The following PTPN14 variants were observed in gnomAD, a reference collection of about 807,000 sequenced individuals.
PTPN14 encodes tyrosine-protein phosphatase non-receptor type 14.
A neutral mutation model predicts 126.8 loss-of-function variants in PTPN14; 53 were observed. The observed-to-expected ratio is 0.42, with a 90% confidence interval of 0.34 to 0.53. The LOEUF (loss-of-function observed/expected upper bound fraction) is 0.53, where lower values mean the gene tolerates loss of function less well. Ranked by LOEUF, PTPN14 falls within the 20% of genes least tolerant of loss-of-function variation. The probability of loss-of-function intolerance (pLI) is 0.08; values close to 1 mark genes in which losing one functional copy is unlikely to be tolerated. For synonymous variants in PTPN14, 630 were observed against 599.3 expected, an observed-to-expected ratio of 1.05 and a Z score of -0.75; for missense variants, 1,257 against 1,552.9, an observed-to-expected ratio of 0.81 and a Z score of 3.20.
chr1:214,351,319 A>C lies in PTPN14; in HGVS notation c.*6603T>G, dbSNP rs1176055378. ...AAAAAAAAAAAAAAGAAAAAGAAAA[A>C]AAAAAAGGCAGCAGACCCTAAGTGA... On this transcript the variant is annotated 3_prime_UTR_variant, in exon 19 of 19. Transcript: ENST00000366956. 6.6e-6 allele frequency: 1 copy of C among 151,940 alleles called. No homozygotes were observed. The highest frequency in any genetic ancestry group is 1.5e-5 in the Non-Finnish European group (1 of 68,054). The allele number at this position is 151,940 out of a possible 1,614,324, so 9.4% of individuals were successfully genotyped here. A position where few individuals can be genotyped will look rare whatever the true frequency, so the allele number is the denominator to read the frequency against.
intron 1 of PTPN14, among the ~76,000 whole-genome samples, chr1:214,493,956 C>T (rs990015892): frequency 6.6e-6 from 1 of 152,182 alleles, no homozygotes; most frequent in Non-Finnish European, 1.5e-5. Flanking sequence ...AAAGGTGTAG[C>T]ACTCAATTTA....
At chr1:214,479,899 C>A (rs1214516144) in intron 1 of PTPN14, among the ~76,000 whole-genome samples, 1 of 150,532 alleles carries the variant, frequency 6.6e-6, no homozygotes, top group East Asian at 1.9e-4. Context: ...TTTATTTCAT[C>A]ATTTTAATTA....
intron 1 of PTPN14, among the ~76,000 whole-genome samples, chr1:214,484,900 G>A (rs1453058436): frequency 3.9e-5 from 6 of 152,168 alleles, no homozygotes; most frequent in East Asian, 1.9e-4. Context: ...TACAAGAGGC[G>A]TTTGTTTCAC....
intron 1 of PTPN14, among the ~76,000 whole-genome samples, chr1:214,508,027 C>T (rs1034158441): frequency 2.0e-5 from 3 of 152,096 alleles, no homozygotes; most frequent in Admixed American, 6.5e-5. Context: ...CTAAAAAAGG[C>T]TAAGGATCAT....
chr1:214,386,548 C>T (rs1658615047), intron 12 of PTPN14, among the ~76,000 whole-genome samples: 1 of 152,196 alleles, frequency 6.6e-6, no homozygotes, highest in Non-Finnish European at 1.5e-5. Flanking sequence ...AGTGCATTCG[C>T]TTGGGCTGAG....
intron 3 of PTPN14, among the ~76,000 whole-genome samples, chr1:214,449,892 G>T (rs11120325): frequency 0.27 from 40,729 of 151,320 alleles, 6,189 homozygotes; most frequent in Non-Finnish European, 0.34. Context: ...AGCACTTTGG[G>T]AGGCCAAGGT....
chr1:214,373,438 A>ATT (rs1383378252), intron 15 of PTPN14, among the ~76,000 whole-genome samples: 2 of 152,172 alleles, frequency 1.3e-5, no homozygotes, highest in Admixed American at 1.3e-4. Context: ...GTATAGATGC[A>ATT]TATATATGAA....
intron 3 of PTPN14, among the ~76,000 whole-genome samples, chr1:214,448,487 G>A (rs1257728864): frequency 6.7e-6 from 1 of 149,662 alleles, no homozygotes; most frequent in South Asian, 2.1e-4. Flanking sequence ...CTCGTGATCC[G>A]CCCGCCTCGG....
At chr1:214,390,935 A>T in intron 11 of PTPN14, 53 bp downstream of exon 11, 1 of 1,368,062 alleles carries the variant, frequency 7.3e-7, no homozygotes, top group Non-Finnish European at 9.9e-7. Flanking sequence ...CAAATTAATA[A>T]CAAAGAATGC....
At chr1:214,434,262 G>A (rs1659862302) in intron 3 of PTPN14, among the ~76,000 whole-genome samples, 1 of 152,146 alleles carries the variant, frequency 6.6e-6, no homozygotes, top group Non-Finnish European at 1.5e-5. Context: ...AAAATAGGCA[G>A]GTCAGAGATG....
At chr1:214,359,360 C>T (rs369654095) in intron 18 of PTPN14, among the ~76,000 whole-genome samples, 8 of 151,236 alleles carry the variant, frequency 5.3e-5, no homozygotes, top group South Asian at 4.2e-4. Flanking sequence ...ATTACAGGCA[C>T]GCACCACCAT....
intron 3 of PTPN14, among the ~76,000 whole-genome samples, chr1:214,428,371 C>T (rs906590338): frequency 6.6e-6 from 1 of 152,148 alleles, no homozygotes; most frequent in Non-Finnish European, 1.5e-5. Context: ...TTGGGGGAAA[C>T]GGATTTGACT....
At chr1:214,500,148 G>T (rs547612873) in intron 1 of PTPN14, among the ~76,000 whole-genome samples, 1 of 151,860 alleles carries the variant, frequency 6.6e-6, no homozygotes, top group Non-Finnish European at 1.5e-5. Flanking sequence ...ATAAGGATAT[G>T]ACCAAGAATC....
At chr1:214,447,957 C>T (rs1391579306) in intron 3 of PTPN14, among the ~76,000 whole-genome samples, 1 of 152,148 alleles carries the variant, frequency 6.6e-6, no homozygotes, top group South Asian at 2.1e-4. Flanking sequence ...ATAAACCAGG[C>T]TAATTAAGCA....
chr1:214,481,542 T>G (rs1327643507), intron 1 of PTPN14, among the ~76,000 whole-genome samples: 2 of 128,682 alleles, frequency 1.6e-5, no homozygotes, highest in East Asian at 4.6e-4. Context: ...GAATAGAAAT[T>G]AAAATATTCT....
chr1:214,442,787 C>T (rs546336330), intron 3 of PTPN14, among the ~76,000 whole-genome samples: 57 of 151,696 alleles, frequency 3.8e-4, no homozygotes, highest in Non-Finnish European at 7.1e-4. Flanking sequence ...CAGTAGGTTG[C>T]CTCAATAGCT....
intron 1 of PTPN14, among the ~76,000 whole-genome samples, chr1:214,541,416 CCTGA>C (rs1404940000): frequency 1.3e-5 from 2 of 152,120 alleles, no homozygotes; most frequent in African/African-American, 2.4e-5. Context: ...TATGCAGAGC[CCTGA>C]CTGTGTTCAC....
intron 3 of PTPN14, among the ~76,000 whole-genome samples, chr1:214,441,662 C>A: frequency 6.6e-6 from 1 of 152,170 alleles, no homozygotes; most frequent in East Asian, 1.9e-4. Flanking sequence ...TCTTGAGAAT[C>A]CTTTATGGGA....
chr1:214,509,267 T>C (rs112346082), intron 1 of PTPN14, among the ~76,000 whole-genome samples: 6,756 of 152,294 alleles, frequency 0.044, 518 homozygotes, highest in African/African-American at 0.15. Flanking sequence ...CTTAGCTAGA[T>C]CTTCTGGATA....
Sources: gnomAD v4.1 joint callset for allele counts (sites outside exome capture counted in the v4.1 genomes callset) on GRCh38, gnomAD v4.1.1 for gene constraint, MANE v1.5 for transcripts, NCBI Gene and HGNC (gene_info 2026-07-23, HGNC 2026-07-21) for gene names.